The following ZBTB7C variants were observed in gnomAD, a reference collection of about 807,000 sequenced individuals.
The protein encoded by ZBTB7C is zinc finger and BTB domain containing 7C.
In ZBTB7C, 8 loss-of-function variants were observed where a neutral mutation model predicts 25.7. That is an observed-to-expected ratio of 0.31 (90% CI 0.18 to 0.56). ZBTB7C has a LOEUF of 0.56. Ranked by LOEUF, ZBTB7C falls within the 20% of genes least tolerant of loss-of-function variation. The pLI is 0.91. For missense variants in ZBTB7C, 824 were observed against 855.2 expected (o/e 0.96, Z 0.46); for synonymous variants, 394 against 369.0 (o/e 1.07, Z -0.78).
intron 3 of ZBTB7C, among the ~76,000 whole-genome samples, chr18:48,081,451 TTTTCTTTTTC>T (rs1369181187): frequency 3.3e-4 from 37 of 110,520 alleles, no homozygotes; most frequent in Non-Finnish European, 3.3e-4. Context: ...TTCTTTTTCT[TTTTCTTTTTC>T]TTTTTTTTTT....
chr18:48,200,012 GTGTGT>G (rs2042402584), intron 2 of ZBTB7C, among the ~76,000 whole-genome samples: 1 of 150,614 alleles, frequency 6.6e-6, no homozygotes, highest in Non-Finnish European at 1.5e-5. Context: ...GTGTGTGTGT[GTGTGT>G]GTGTAATTTT....
chr18:48,118,851 TTAACAA>T (rs1265162416), intron 3 of ZBTB7C, among the ~76,000 whole-genome samples: 5 of 152,234 alleles, frequency 3.3e-5, no homozygotes, highest in Non-Finnish European at 7.3e-5. Flanking sequence ...CATCAAAACA[TTAACAA>T]TATCAATTGG....
intron 2 of ZBTB7C, among the ~76,000 whole-genome samples, chr18:48,220,259 C>G (rs375152841): frequency 5.3e-4 from 81 of 152,256 alleles, no homozygotes; most frequent in African/African-American, 1.8e-3. Flanking sequence ...CAGGCACAGA[C>G]CCAGGATGGA....
At chr18:48,095,747 A>AAAAG (rs35953333) in intron 3 of ZBTB7C, among the ~76,000 whole-genome samples, 6 of 89,924 alleles carry the variant, frequency 6.7e-5, no homozygotes, top group Middle Eastern at 4.8e-3. Context: ...TAAAATAAAA[A>AAAAG]TGGTTATTGG....
intron 3 of ZBTB7C, among the ~76,000 whole-genome samples, chr18:48,042,482 G>A (rs939373489): frequency 7.9e-5 from 12 of 152,218 alleles, no homozygotes; most frequent in African/African-American, 2.9e-4. Flanking sequence ...CCAGTGGGAA[G>A]AGTTCTGGAG....
At chr18:48,213,539 T>A (rs950654696) in intron 2 of ZBTB7C, among the ~76,000 whole-genome samples, 3 of 152,236 alleles carry the variant, frequency 2.0e-5, no homozygotes, top group African/African-American at 7.2e-5. Context: ...ATCTGTGTTA[T>A]CAGAATACCT....
intron 1 of ZBTB7C, among the ~76,000 whole-genome samples, chr18:48,382,635 T>A (rs1389081740): frequency 6.6e-6 from 1 of 152,248 alleles, no homozygotes; most frequent in African/African-American, 2.4e-5. Context: ...AGAAGGTTGA[T>A]GATGCAGAAA....
intron 3 of ZBTB7C, among the ~76,000 whole-genome samples, chr18:48,131,170 C>T (rs1409953219): frequency 4.6e-5 from 7 of 152,254 alleles, no homozygotes; most frequent in African/African-American, 1.7e-4. Context: ...TCCCAAAGTG[C>T]TGGGATTACA....
chr18:48,378,492 T>G (rs552182528), intron 1 of ZBTB7C, among the ~76,000 whole-genome samples: 2 of 152,194 alleles, frequency 1.3e-5, no homozygotes, highest in African/African-American at 2.4e-5. Context: ...ATACTGACAT[T>G]GAAGATTCCA....
At chr18:48,138,340 G>A (rs1442372744) in intron 3 of ZBTB7C, among the ~76,000 whole-genome samples, 1 of 152,210 alleles carries the variant, frequency 6.6e-6, no homozygotes, top group Admixed American at 6.5e-5. Flanking sequence ...TCCAATGTTA[G>A]AGATTCATTC....
chr18:48,314,250 T>C (rs560958156), intron 2 of ZBTB7C, among the ~76,000 whole-genome samples: 1 of 152,346 alleles, frequency 6.6e-6, no homozygotes, highest in South Asian at 2.1e-4. Flanking sequence ...GTGCGTTCTG[T>C]GCAATATGCG....
chr18:48,075,269 C>T (rs778217225), intron 3 of ZBTB7C, among the ~76,000 whole-genome samples: 3 of 152,240 alleles, frequency 2.0e-5, no homozygotes, highest in Non-Finnish European at 2.9e-5. Flanking sequence ...TTTCTCCCCT[C>T]CCAAATGCCC....
intron 3 of ZBTB7C, among the ~76,000 whole-genome samples, chr18:48,115,383 G>A (rs891014043): frequency 2.0e-5 from 3 of 151,850 alleles, no homozygotes; most frequent in Admixed American, 6.6e-5. Flanking sequence ...AGAGCAGCTG[G>A]GACTACAGGC....
intron 3 of ZBTB7C, among the ~76,000 whole-genome samples, chr18:48,157,352 C>T (rs1239361841): frequency 6.6e-6 from 1 of 152,122 alleles, no homozygotes; most frequent in Non-Finnish European, 1.5e-5. Context: ...TGGGAACTCA[C>T]TGGTCCTACA....
chr18:48,135,578 G>C (rs374791596), intron 3 of ZBTB7C, among the ~76,000 whole-genome samples: 491 of 152,244 alleles, frequency 3.2e-3, no homozygotes, highest in African/African-American at 0.011. Context: ...GTGCCTTAAG[G>C]GGGGAGGACC....
chr18:48,102,564 CAAAAAAAAA>C (rs58790347), intron 3 of ZBTB7C, among the ~76,000 whole-genome samples: 1 of 95,624 alleles, frequency 1.0e-5, no homozygotes, highest in Non-Finnish European at 2.0e-5. Flanking sequence ...GATCCTCCCT[CAAAAAAAAA>C]AAAAAAAAAA....
intron 3 of ZBTB7C, among the ~76,000 whole-genome samples, chr18:48,075,170 T>A (rs1380939009): frequency 6.6e-6 from 1 of 152,166 alleles, no homozygotes; most frequent in Non-Finnish European, 1.5e-5. Flanking sequence ...GGCATTAGCA[T>A]GAAGAGGACG....
At chr18:48,345,800 C>T (rs1391920533) in intron 1 of ZBTB7C, among the ~76,000 whole-genome samples, 1 of 152,182 alleles carries the variant, frequency 6.6e-6, no homozygotes, top group African/African-American at 2.4e-5. Context: ...TGCACTCTGG[C>T]AAACCAAGTG....
intron 3 of ZBTB7C, among the ~76,000 whole-genome samples, chr18:48,064,359 T>C (rs1043155134): frequency 5.3e-5 from 8 of 152,248 alleles, no homozygotes; most frequent in African/African-American, 1.9e-4. Flanking sequence ...TGTGAGCTTA[T>C]CATGTCAATG....
Sources: gnomAD v4.1 joint callset for allele counts (sites outside exome capture counted in the v4.1 genomes callset) on GRCh38, gnomAD v4.1.1 for gene constraint, MANE v1.5 for transcripts, NCBI Gene and HGNC (gene_info 2026-07-23, HGNC 2026-07-21) for gene names.